Variants in PCDHA1 observed in about 807,000 individuals in gnomAD.
PCDHA1 encodes protocadherin alpha 1.
PCDHA1 carries 42 observed loss-of-function variants against 61.3 expected under a neutral mutation model. The ratio of observed to expected loss-of-function variants is 0.69; its 90% CI spans 0.54 to 0.89. The LOEUF (loss-of-function observed/expected upper bound fraction) is 0.89, where lower values mean the gene tolerates loss of function less well. Ranked by LOEUF, PCDHA1 falls within the 40% of genes least tolerant of loss-of-function variation. PCDHA1 has a pLI of 0.00. For synonymous variants in PCDHA1, 610 were observed against 553.8 expected (o/e 1.10, Z -1.43); for missense variants, 1,256 against 1,235.3 (o/e 1.02, Z -0.25).
At chr5:140,836,198 G>A in intron 1 of PCDHA1, 2 of 1,613,862 alleles carry the variant, frequency 1.2e-6, no homozygotes, top group Non-Finnish European at 1.7e-6. Context: ...GCTACAACGC[G>A]TGGCTTTCGT....
chr5:140,836,650 A>T (rs1426602429), intron 1 of PCDHA1: 1 of 1,613,394 alleles, frequency 6.2e-7, no homozygotes, highest in African/African-American at 1.3e-5. Flanking sequence ...CAGAGGCGGC[A>T]GAGGGTGTGC....
chr5:140,921,151 A>AT (rs11299094), intron 1 of PCDHA1, among the ~76,000 whole-genome samples: 2 of 151,512 alleles, frequency 1.3e-5, no homozygotes. Context: ...CAGCTAATGC[A>AT]TTTTTTTTTT....
chr5:140,978,702 T>G (rs1200035752), intron 1 of PCDHA1, among the ~76,000 whole-genome samples: 2 of 152,252 alleles, frequency 1.3e-5, no homozygotes, highest in Non-Finnish European at 2.9e-5. Context: ...AAGCCAAAGG[T>G]GGCCTTTACA....
intron 1 of PCDHA1, 102 bp from the exon 2 acceptor site, chr5:140,978,847 G>GA: frequency 6.4e-7 from 1 of 1,570,216 alleles, no homozygotes; most frequent in Non-Finnish European, 8.6e-7. Context: ...TACTTTTTTA[G>GA]ATGCCTGGAA....
chr5:140,852,107 A>T, intron 1 of PCDHA1: 1 of 907,274 alleles, frequency 1.1e-6, no homozygotes, highest in East Asian at 1.2e-4. Context: ...ATATTTTACA[A>T]GGTATGACCT....
chr5:140,835,602 T>C, intron 1 of PCDHA1: 2 of 1,613,930 alleles, frequency 1.2e-6, no homozygotes, highest in South Asian at 1.1e-5. Flanking sequence ...TTACTATTCA[T>C]TGGTGCTGGA....
At chr5:141,000,419 ATATTTTTTT>A (rs2097927194) in intron 3 of PCDHA1, among the ~76,000 whole-genome samples, 6 of 60,996 alleles carry the variant, frequency 9.8e-5, no homozygotes, top group Non-Finnish European at 1.1e-4. Flanking sequence ...ATATATATAT[ATATTTTTTT>A]TTTTTTTTTT....
intron 1 of PCDHA1, chr5:140,802,023 G>A (rs1762830770): frequency 6.2e-7 from 1 of 1,614,194 alleles, no homozygotes; most frequent in African/African-American, 1.3e-5. Flanking sequence ...AGTAAATAAG[G>A]ATATCGCGTA....
At chr5:140,803,364 T>G in intron 1 of PCDHA1, 1 of 1,614,186 alleles carries the variant, frequency 6.2e-7, no homozygotes, top group South Asian at 1.1e-5. Context: ...TGCTCTGCGG[T>G]GCTCCGCGCC....
intron 1 of PCDHA1, among the ~76,000 whole-genome samples, chr5:140,937,575 T>C (rs111558133): frequency 1.8e-3 from 268 of 149,140 alleles, no homozygotes; most frequent in African/African-American, 6.4e-3. Context: ...TGGGATCGCG[T>C]CACTGCACTC....
At chr5:140,827,465 T>C (rs2150147677) in intron 1 of PCDHA1, among the ~76,000 whole-genome samples, 16 of 152,372 alleles carry the variant, frequency 1.1e-4, no homozygotes, top group Admixed American at 2.6e-4. Context: ...GAGCATCTGA[T>C]ATTTATTGAA....
At chr5:140,842,005 G>T in intron 1 of PCDHA1, 1 of 1,613,756 alleles carries the variant, frequency 6.2e-7, no homozygotes, top group Admixed American at 1.7e-5. Flanking sequence ...CTGTTCAGCT[G>T]CTGGTCACAG....
chr5:140,857,036 G>T (rs1174179572), intron 1 of PCDHA1: 1 of 1,596,046 alleles, frequency 6.3e-7, no homozygotes, highest in Non-Finnish European at 8.6e-7. Context: ...CCCACCTATG[G>T]TTGGTCACTG....
chr5:140,869,553 G>A (rs1554163226), intron 1 of PCDHA1: 1 of 1,614,056 alleles, frequency 6.2e-7, no homozygotes, highest in African/African-American at 1.3e-5. Flanking sequence ...AATCGGACTC[G>A]CGTTTTCCAC....
intron 1 of PCDHA1, among the ~76,000 whole-genome samples, chr5:140,791,099 G>T (rs1364524529): frequency 2.6e-5 from 4 of 152,152 alleles, no homozygotes; most frequent in African/African-American, 9.7e-5. Context: ...ATCATTTGAG[G>T]GACCTTAGAG....
At chr5:140,922,839 C>T (rs2081023123) in intron 1 of PCDHA1, among the ~76,000 whole-genome samples, 1 of 152,140 alleles carries the variant, frequency 6.6e-6, no homozygotes, top group South Asian at 2.1e-4. Context: ...TAGATGTCCT[C>T]AAAGAGACCA....
At position 140,787,715 on chromosome 5, in the gene PCDHA1, C is replaced by T. The variant is rs782013970; in HGVS notation, c.1425C>T (p.Phe475=). ...KENNPPGCHI[F]TVSARDADAQ... ...ACAACCCGCCGGGCTGCCACATCTTCACGGTGTCTGCGCGGGACGCGGACG... is the reference window on the plus strand; with the variant it reads ...ACAACCCGCCGGGCTGCCACATCTTTACGGTGTCTGCGCGGGACGCGGACG... The change falls in exon 1 of 4, where the codon TTC becomes TTT. Residue 475 remains phenylalanine, a synonymous_variant. Coordinates refer to ENST00000504120, the MANE Select transcript of PCDHA1 (RefSeq NM_018900.4). 1.7e-5 allele frequency: 28 copies of T among 1,613,744 alleles called. No individual in the cohort carries two copies. Among genetic ancestry groups the T allele is most frequent in the Admixed American group, 3.3e-5 (2 of 60,010 alleles).
chr5:140,897,435 A>G (rs1382805623), intron 1 of PCDHA1, among the ~76,000 whole-genome samples: 1 of 147,702 alleles, frequency 6.8e-6, no homozygotes, highest in Non-Finnish European at 1.5e-5. Flanking sequence ...GAGAACATGC[A>G]GTGTTTGGTT....
intron 1 of PCDHA1, among the ~76,000 whole-genome samples, chr5:140,922,233 A>T (rs1226444776): frequency 6.6e-6 from 1 of 152,220 alleles, no homozygotes; most frequent in Non-Finnish European, 1.5e-5. Flanking sequence ...CTCAACCATG[A>T]TGTGTATGAA....
Sources: allele counts gnomAD v4.1 joint callset (sites outside exome capture counted in the v4.1 genomes callset), GRCh38; gene constraint gnomAD v4.1.1; transcripts MANE v1.5; gene names NCBI Gene and HGNC (gene_info 2026-07-23, HGNC 2026-07-21).